FER1L6: variants seen among roughly 807,000 people sequenced by gnomAD.
FER1L6 encodes the protein fer-1 like family member 6.
In FER1L6, 177 loss-of-function variants were observed where a neutral mutation model predicts 219.2. That is an observed-to-expected ratio of 0.81 (90% CI 0.71 to 0.91). FER1L6 has a LOEUF of 0.91. Among genes scored for constraint, FER1L6 ranks in the 40% least tolerant of loss-of-function variants. The pLI is 0.00. For missense variants in FER1L6, 2,153 were observed against 2,259.9 expected (o/e 0.95, Z 0.96); for synonymous variants, 768 against 824.3 (o/e 0.93, Z 1.17).
chr8:124,026,931 G>A (rs1818733703), intron 18 of FER1L6, among the ~76,000 whole-genome samples: 2 of 152,148 alleles, frequency 1.3e-5, no homozygotes, highest in African/African-American at 4.8e-5. Flanking sequence ...CTAGGTCAAG[G>A]TGTTGGCAGG....
At chr8:124,003,543 C>A (rs1665736353) in intron 13 of FER1L6, among the ~76,000 whole-genome samples, 196 bp downstream of exon 13, 1 of 135,992 alleles carries the variant, frequency 7.4e-6, no homozygotes, top group African/African-American at 2.7e-5. Flanking sequence ...GATCTCAGCT[C>A]ACTGCAACCT....
At chr8:123,920,722 C>G (rs913018582) in intron 1 of FER1L6, among the ~76,000 whole-genome samples, 2 of 152,202 alleles carry the variant, frequency 1.3e-5, no homozygotes, top group Non-Finnish European at 2.9e-5. Context: ...ACCATTGTAA[C>G]TATTTTAAGT....
intron 31 of FER1L6, among the ~76,000 whole-genome samples, chr8:124,073,078 C>T (rs939608988): frequency 1.3e-5 from 2 of 152,044 alleles, no homozygotes; most frequent in African/African-American, 2.4e-5. Flanking sequence ...TGCAGAAAAT[C>T]TTACAGAGCT....
intron 1 of FER1L6, among the ~76,000 whole-genome samples, chr8:123,873,916 A>C (rs1180991493): frequency 6.6e-6 from 1 of 152,138 alleles, no homozygotes; most frequent in African/African-American, 2.4e-5. Context: ...ACTGGGACCT[A>C]TAATACCTTG....
chr8:124,025,182 C>T (rs114090199), intron 18 of FER1L6, among the ~76,000 whole-genome samples: 1,719 of 151,038 alleles, frequency 0.011, 17 homozygotes, highest in African/African-American at 0.019. Context: ...TTTGGCTGTG[C>T]AGAAGCTTTT....
At chr8:123,888,019 G>A (rs1311740703) in intron 1 of FER1L6, among the ~76,000 whole-genome samples, 2 of 152,122 alleles carry the variant, frequency 1.3e-5, no homozygotes, top group Admixed American at 1.3e-4. Flanking sequence ...CATTCTTGGG[G>A]CTTGTTTGTT....
intron 33 of FER1L6, among the ~76,000 whole-genome samples, chr8:124,086,603 C>T (rs1563791722): frequency 6.6e-6 from 1 of 151,928 alleles, no homozygotes. Context: ...TTCATCTTTC[C>T]ACTTAAGATA....
chr8:124,118,998 C>T lies in FER1L6; in HGVS notation c.5390+54C>T. The T allele has an allele frequency of 2.1e-6, 3 of 1,411,908 alleles. No homozygotes were observed. In the South Asian group the frequency reaches 3.5e-5, roughly 16 times the overall value. The allele number at this position is 1,411,908 out of a possible 1,614,324, so 87.5% of individuals were successfully genotyped here. A position where few individuals can be genotyped will look rare whatever the true frequency, so the allele number is the denominator to read the frequency against. ...GAAATGGGAAGGGGCCTTTGCAGTCCTTGCTGGTGTCTGATAATGGCATTT... is the reference window on the plus strand; with the variant it reads ...GAAATGGGAAGGGGCCTTTGCAGTCTTTGCTGGTGTCTGATAATGGCATTT... On this transcript the variant is annotated intron_variant, in intron 40 of 40. Coordinates refer to ENST00000522917, the MANE Select transcript of FER1L6 (RefSeq NM_001039112.2).
intron 38 of FER1L6, 105 bp from the exon 39 acceptor site, chr8:124,103,041 G>A: frequency 1.9e-6 from 2 of 1,039,176 alleles, no homozygotes; most frequent in South Asian, 1.5e-5. Flanking sequence ...CTGATTGAAT[G>A]AGTAGGAAGT....
At chr8:123,958,507 G>T (rs1815118921) in intron 2 of FER1L6, among the ~76,000 whole-genome samples, 3 of 152,090 alleles carry the variant, frequency 2.0e-5, no homozygotes, top group Non-Finnish European at 4.4e-5. Context: ...TGCTAATTTT[G>T]GGGGGTGCCT....
chr8:123,921,894 C>T (rs552103408), intron 1 of FER1L6, among the ~76,000 whole-genome samples: 2 of 152,260 alleles, frequency 1.3e-5, no homozygotes, highest in African/African-American at 4.8e-5. Context: ...TTGTAACGTG[C>T]CATTGATCTA....
intron 33 of FER1L6, among the ~76,000 whole-genome samples, chr8:124,090,281 A>G (rs1821973932): frequency 6.6e-6 from 1 of 152,170 alleles, no homozygotes; most frequent in African/African-American, 2.4e-5. Context: ...GTGGAACCAT[A>G]TGCCTCTTGG....
intron 13 of FER1L6, 142 bp from the exon 14 acceptor site, chr8:124,010,452 C>CAA: frequency 1.1e-6 from 1 of 898,910 alleles, no homozygotes; most frequent in South Asian, 1.8e-5. Context: ...AATTATAGAT[C>CAA]AAAGATGGTG....
intron 1 of FER1L6, among the ~76,000 whole-genome samples, chr8:123,949,777 G>C (rs1175223682): frequency 3.3e-5 from 5 of 152,182 alleles, no homozygotes; most frequent in African/African-American, 1.2e-4. Flanking sequence ...ATGGGAATAA[G>C]AGCTTTGGAC....
At chr8:124,026,036 G>T (rs1014490698) in intron 18 of FER1L6, among the ~76,000 whole-genome samples, 1 of 151,982 alleles carries the variant, frequency 6.6e-6, no homozygotes. Context: ...TTCAACTGGG[G>T]GGTCCTGCAC....
intron 25 of FER1L6, among the ~76,000 whole-genome samples, chr8:124,063,655 G>A (rs1054934641): frequency 6.6e-6 from 1 of 152,160 alleles, no homozygotes; most frequent in African/African-American, 2.4e-5. Flanking sequence ...TCTATGCCCA[G>A]TATGGAGTAG....
At chr8:123,921,098 T>C (rs1251200731) in intron 1 of FER1L6, among the ~76,000 whole-genome samples, 1 of 152,368 alleles carries the variant, frequency 6.6e-6, no homozygotes, top group East Asian at 1.9e-4. Context: ...TTGATGGATA[T>C]TGGGTTGCTT....
intron 12 of FER1L6, among the ~76,000 whole-genome samples, chr8:123,997,025 G>C (rs1433787800): frequency 2.6e-5 from 4 of 152,110 alleles, no homozygotes; most frequent in African/African-American, 7.2e-5. Context: ...TTCTACTAAA[G>C]ATACAAGTAA....
chr8:123,919,453 G>A (rs544025135), intron 1 of FER1L6, among the ~76,000 whole-genome samples: 143 of 152,286 alleles, frequency 9.4e-4, no homozygotes, highest in Non-Finnish European at 1.5e-3. Flanking sequence ...CTTGAAAAGC[G>A]TCCTGCCAGT....
Sources: gnomAD v4.1 joint callset for allele counts (sites outside exome capture counted in the v4.1 genomes callset) on GRCh38, gnomAD v4.1.1 for gene constraint, MANE v1.5 for transcripts, NCBI Gene and HGNC (gene_info 2026-07-23, HGNC 2026-07-21) for gene names.